Variants in TMEM67 observed in about 807,000 individuals in gnomAD.
TMEM67 encodes meckelin.
In TMEM67, 124 loss-of-function variants were observed where a neutral mutation model predicts 136.6. That is an observed-to-expected ratio of 0.91 (90% CI 0.78 to 1.05). TMEM67 has a LOEUF of 1.05. Among genes scored for constraint, TMEM67 ranks in the 50% least tolerant of loss-of-function variants. The pLI is 0.00. For synonymous variants in TMEM67, 364 were observed against 390.5 expected (o/e 0.93, Z 0.80); for missense variants, 1,107 against 1,178.4 (o/e 0.94, Z 0.89).
chr8:93,794,266 T>G (rs1814511548), intron 16 of TMEM67, among the ~76,000 whole-genome samples: 1 of 152,204 alleles, frequency 6.6e-6, no homozygotes, highest in African/African-American at 2.4e-5. Flanking sequence ...GGATCTTGTT[T>G]AGGAAAACCG....
intron 14 of TMEM67, 108 bp downstream of exon 14, chr8:93,788,057 A>G (rs1814197186): frequency 2.5e-6 from 2 of 807,472 alleles, no homozygotes; most frequent in African/African-American, 3.5e-5. Context: ...TAAGTTCTAA[A>G]TAAACCTTTC....
intron 3 of TMEM67, among the ~76,000 whole-genome samples, chr8:93,763,602 C>T (rs898645486): frequency 2.0e-5 from 3 of 152,018 alleles, no homozygotes; most frequent in Non-Finnish European, 2.9e-5. Flanking sequence ...CTATATTTTA[C>T]TATGTGAGAA....
intron 27 of TMEM67, 68 bp from the exon 28 acceptor site, chr8:93,816,304 T>C: frequency 2.7e-6 from 2 of 745,092 alleles, no homozygotes; most frequent in Non-Finnish European, 4.6e-6. Context: ...AATCTAGATA[T>C]TTTAATCGAC....
rs1815092589 is a variant in TMEM67 at position 93,805,369 on chromosome 8, G to A, written c.2439+491G>A. Among the ~76,000 whole-genome samples, 4 of 152,094 alleles carry A rather than the reference G, an allele frequency of 2.6e-5. No homozygotes were observed. The South Asian group carries it at 8.3e-4, about 31-fold the overall frequency. On this transcript the variant is annotated intron_variant, in intron 23 of 27. Coordinates refer to ENST00000453321, the MANE Select transcript of TMEM67 (RefSeq NM_153704.6). ...GAGGCCGAGGTGGGCAGATCACGAG[G>A]TCAGGAGATTGAGACCATCTTGACT...
At chr8:93,793,344 C>G in intron 16 of TMEM67, 48 bp downstream of exon 16, 1 of 1,456,698 alleles carries the variant, frequency 6.9e-7, no homozygotes, top group South Asian at 1.1e-5. Context: ...TTTGACCATT[C>G]TGGATCCTTC....
At chr8:93,790,128 A>G in intron 14 of TMEM67, among the ~76,000 whole-genome samples, 1 of 152,280 alleles carries the variant, frequency 6.6e-6, no homozygotes, top group Admixed American at 6.5e-5. Flanking sequence ...AAATTATTCT[A>G]ATTATAAAAT....
intron 7 of TMEM67, among the ~76,000 whole-genome samples, chr8:93,780,162 G>A (rs141825721): frequency 1.8e-3 from 274 of 151,808 alleles, no homozygotes; most frequent in African/African-American, 6.4e-3. Context: ...CTCTGTAGGC[G>A]TGGGACCCAC....
At chr8:93,789,383 C>A (rs916600695) in intron 14 of TMEM67, among the ~76,000 whole-genome samples, 13 of 152,052 alleles carry the variant, frequency 8.5e-5, no homozygotes, top group Non-Finnish European at 1.9e-4. Context: ...TTGGTAACAA[C>A]AAAAGACTGC....
chr8:93,796,968 A>G (rs1334245682), intron 18 of TMEM67, among the ~76,000 whole-genome samples, 166 bp from the exon 19 acceptor site: 1 of 152,234 alleles, frequency 6.6e-6, no homozygotes, highest in African/African-American at 2.4e-5. Context: ...AGGTTATCTG[A>G]TGAGCTTCTA....
intron 3 of TMEM67, among the ~76,000 whole-genome samples, chr8:93,760,962 A>G (rs1354346956): frequency 6.6e-6 from 1 of 152,206 alleles, no homozygotes; most frequent in Non-Finnish European, 1.5e-5. Context: ...CAGAGTAAGA[A>G]AATGTACGTT....
At chr8:93,825,782 ATGCGT>A in the TMEM67 span, among the ~76,000 whole-genome samples, 1 of 152,216 alleles carries the variant, frequency 6.6e-6, no homozygotes, top group South Asian at 2.1e-4. Flanking sequence ...CCTTCTGCAT[ATGCGT>A]TGTAGAAATG....
At chr8:93,780,297 G>T (rs1263201330) in intron 7 of TMEM67, among the ~76,000 whole-genome samples, 1 of 152,110 alleles carries the variant, frequency 6.6e-6, no homozygotes, top group Non-Finnish European at 1.5e-5. Flanking sequence ...GGCTAGGAAA[G>T]GGAAATCCCC....
chr8:93,790,081 A>G (rs77330863), intron 14 of TMEM67, among the ~76,000 whole-genome samples: 2 of 151,246 alleles, frequency 1.3e-5, no homozygotes, highest in Non-Finnish European at 2.9e-5. Flanking sequence ...AAAAAAAAAA[A>G]GTCAAGTCAT....
intron 6 of TMEM67, among the ~76,000 whole-genome samples, chr8:93,771,929 C>T (rs536980386): frequency 1.8e-3 from 267 of 152,292 alleles, no homozygotes; most frequent in African/African-American, 6.1e-3. Flanking sequence ...ATATCACTTA[C>T]GTGTGTGCCC....
At chr8:93,756,441 A>G (rs1391133953) in intron 2 of TMEM67, 2 of 152,184 alleles carry the variant, frequency 1.3e-5, no homozygotes, top group Non-Finnish European at 2.9e-5. Flanking sequence ...ATATTTTTCA[A>G]TCATGTTGGA....
chr8:93,774,932 C>T (rs1289414721), intron 7 of TMEM67, among the ~76,000 whole-genome samples: 4 of 152,200 alleles, frequency 2.6e-5, no homozygotes, highest in Non-Finnish European at 5.9e-5. Context: ...GAGGAATTGC[C>T]ACACTGTCTT....
chr8:93,807,848 C>T (rs1159111886), intron 23 of TMEM67, among the ~76,000 whole-genome samples: 5 of 151,886 alleles, frequency 3.3e-5, no homozygotes, highest in African/African-American at 1.2e-4. Flanking sequence ...GAACTTGAGT[C>T]GAACCTTGAA....
intron 6 of TMEM67, among the ~76,000 whole-genome samples, chr8:93,767,984 G>A (rs889952516): frequency 2.0e-5 from 3 of 148,370 alleles, no homozygotes; most frequent in Non-Finnish European, 3.0e-5. Context: ...CCCTGCCTCC[G>A]CCTCCCAAGT....
intron 7 of TMEM67, among the ~76,000 whole-genome samples, chr8:93,774,773 G>A (rs146486512): frequency 0.011 from 1,724 of 152,228 alleles, 29 homozygotes; most frequent in African/African-American, 0.039. Context: ...TGGACATTTG[G>A]GTTGGTTCCA....
Sources: gnomAD v4.1 joint callset for allele counts (sites outside exome capture counted in the v4.1 genomes callset) on GRCh38, gnomAD v4.1.1 for gene constraint, MANE v1.5 for transcripts, NCBI Gene and HGNC (gene_info 2026-07-23, HGNC 2026-07-21) for gene names.